DOCK2: variants seen among roughly 807,000 people sequenced by gnomAD.
DOCK2 encodes the protein dedicator of cytokinesis protein 2.
Under a neutral mutation model 248.9 loss-of-function variants are expected in DOCK2, and 87 were observed. The ratio of observed to expected loss-of-function variants is 0.35; its 90% CI spans 0.29 to 0.42. The LOEUF (loss-of-function observed/expected upper bound fraction) is 0.42. DOCK2 is among the 10% of genes least tolerant of loss of function. The pLI, the probability that DOCK2 is intolerant of heterozygous loss-of-function variation, is 1.00. For missense variants in DOCK2, 1,747 were observed against 2,300.2 expected, an observed-to-expected ratio of 0.76 and a Z score of 4.92; for synonymous variants, 805 against 821.6, an observed-to-expected ratio of 0.98 and a Z score of 0.35.
At chr5:169,640,963 C>T (rs1358445461) in intron 1 of DOCK2, among the ~76,000 whole-genome samples, 1 of 152,198 alleles carries the variant, frequency 6.6e-6, no homozygotes, top group East Asian at 1.9e-4. Flanking sequence ...TTGTTGGTTT[C>T]TTCTGAGGGC....
chr5:169,941,905 C>A (rs901098658), intron 27 of DOCK2, among the ~76,000 whole-genome samples: 3 of 152,182 alleles, frequency 2.0e-5, no homozygotes, highest in Admixed American at 2.0e-4. Flanking sequence ...AACTCTGTCA[C>A]CTATAAATGT....
intron 27 of DOCK2, among the ~76,000 whole-genome samples, chr5:169,943,211 T>C (rs1356699964): frequency 1.3e-5 from 2 of 152,162 alleles, no homozygotes; most frequent in Admixed American, 6.5e-5. Context: ...CTTCAGGAAT[T>C]TGAATTGGAT....
At chr5:169,939,698 C>T (rs180906974) in intron 27 of DOCK2, among the ~76,000 whole-genome samples, 20 of 152,092 alleles carry the variant, frequency 1.3e-4, no homozygotes, top group African/African-American at 4.3e-4. Context: ...TTGACTGAGA[C>T]GTCATTATGC....
intron 27 of DOCK2, among the ~76,000 whole-genome samples, chr5:169,858,730 C>T (rs962282877): frequency 1.1e-4 from 17 of 152,126 alleles, no homozygotes; most frequent in Admixed American, 2.0e-4. Context: ...GGGCTGGGTA[C>T]GGTGTCGTGC....
chr5:169,742,545 T>C (rs1763373324), intron 22 of DOCK2, among the ~76,000 whole-genome samples: 1 of 152,074 alleles, frequency 6.6e-6, no homozygotes, highest in Admixed American at 6.5e-5. Context: ...GTGACTGAGG[T>C]ACAGAAAATA....
chr5:169,882,868 G>A (rs1269779426), intron 27 of DOCK2: 10 of 1,551,522 alleles, frequency 6.4e-6, no homozygotes, highest in Admixed American at 2.0e-5. Flanking sequence ...TGCACTGTTA[G>A]TTTTGAGTGA....
intron 22 of DOCK2, among the ~76,000 whole-genome samples, chr5:169,723,276 C>T (rs1379302677): frequency 6.6e-6 from 1 of 152,172 alleles, no homozygotes; most frequent in Non-Finnish European, 1.5e-5. Context: ...GTCTCCAAAG[C>T]CAAGTCTGCT....
At chr5:169,741,697 A>G (rs1763311816) in intron 22 of DOCK2, among the ~76,000 whole-genome samples, 1 of 152,054 alleles carries the variant, frequency 6.6e-6, no homozygotes, top group African/African-American at 2.4e-5. Flanking sequence ...CAACAGTCCC[A>G]TAGCGTCATC....
At chr5:169,742,068 G>A (rs560917061) in intron 22 of DOCK2, among the ~76,000 whole-genome samples, 24 of 151,898 alleles carry the variant, frequency 1.6e-4, no homozygotes, top group Non-Finnish European at 3.1e-4. Context: ...TGCCCATCTC[G>A]GCCTCCCAAA....
At chr5:169,981,312 G>A (rs60286899) in intron 27 of DOCK2, among the ~76,000 whole-genome samples, 4,167 of 152,218 alleles carry the variant, frequency 0.027, 220 homozygotes, top group African/African-American at 0.093. Flanking sequence ...TTGTAAACCT[G>A]GGAGGAAATA....
intron 1 of DOCK2, among the ~76,000 whole-genome samples, chr5:169,637,920 G>A (rs1259490853): frequency 6.6e-6 from 1 of 152,080 alleles, no homozygotes; most frequent in Non-Finnish European, 1.5e-5. Flanking sequence ...CAGCCCCCCA[G>A]AGCCTCTGGG....
At chr5:169,705,097 G>A (rs970631881) in intron 14 of DOCK2, among the ~76,000 whole-genome samples, 1 of 152,262 alleles carries the variant, frequency 6.6e-6, no homozygotes, top group South Asian at 2.1e-4. Flanking sequence ...TGGAGGCAGA[G>A]GTTGCAGTGA....
intron 38 of DOCK2, 63 bp from the exon 39 acceptor site, chr5:170,045,752 CT>C: frequency 6.6e-7 from 1 of 1,518,710 alleles, no homozygotes; most frequent in Non-Finnish European, 9.1e-7. Context: ...GAGTCCCTTC[CT>C]CAGCAAGCGC....
intron 33 of DOCK2, among the ~76,000 whole-genome samples, chr5:170,022,529 G>A (rs1247268888): frequency 6.6e-6 from 1 of 150,738 alleles, no homozygotes; most frequent in African/African-American, 2.4e-5. Context: ...TCTGTCCATT[G>A]TCTAGGACTG....
At chr5:169,673,525 TA>T (rs1013195625) in intron 5 of DOCK2, among the ~76,000 whole-genome samples, 4 of 151,692 alleles carry the variant, frequency 2.6e-5, no homozygotes, top group East Asian at 1.9e-4. Flanking sequence ...ATTATTTTTA[TA>T]AAAAAAAATT....
intron 2 of DOCK2, among the ~76,000 whole-genome samples, chr5:169,661,260 C>A (rs1455207984): frequency 6.6e-6 from 1 of 152,132 alleles, no homozygotes; most frequent in Non-Finnish European, 1.5e-5. Context: ...AGTTAAGTAG[C>A]AGATCTCCAA....
chr5:169,816,242 G>C (rs1257837901), intron 26 of DOCK2, among the ~76,000 whole-genome samples: 1 of 152,172 alleles, frequency 6.6e-6, no homozygotes, highest in Non-Finnish European at 1.5e-5. Flanking sequence ...GCAGCTGTCT[G>C]TGGTGCCTCA....
In DOCK2 at chr5:169,743,732, G is replaced by A. The variant is rs189767795; in HGVS notation, c.2268-3664G>A. Among the ~76,000 whole-genome samples, 32 of 151,420 alleles carry A rather than the reference G, an allele frequency of 2.1e-4. No individual in the cohort carries two copies. In the East Asian group the frequency reaches 5.6e-3, roughly 27 times the overall value. On this transcript the variant is annotated intron_variant, in intron 22 of 51. Transcript: ENST00000520908. ...ATTTTTCTTTCCTTTCTTCTTCCCA[G>A]CTGTAGTCATGTCCTGTGACTCTTC...
chr5:169,891,177 A>G lies in DOCK2; in HGVS notation c.2799+50325A>G, dbSNP rs183622222. Among the ~76,000 whole-genome samples the G allele has an allele frequency of 5.3e-5, 8 of 152,068 alleles. No homozygotes were observed. The East Asian group carries it at 1.4e-3, about 26-fold the overall frequency. On this transcript the variant is annotated intron_variant, in intron 27 of 51. Transcript: ENST00000520908. ...TCATCATCTGGCTTTCAAATCTGCT[A>G]TTCCTTTTGTTAGGACTCCTCTTTC... is the stretch of plus-strand genomic sequence containing the variant.
Sources: gnomAD v4.1 joint callset for allele counts (sites outside exome capture counted in the v4.1 genomes callset) on GRCh38, gnomAD v4.1.1 for gene constraint, MANE v1.5 for transcripts, NCBI Gene and HGNC (gene_info 2026-07-23, HGNC 2026-07-21) for gene names.